The following PTPRM variants were observed in gnomAD, a reference collection of about 807,000 sequenced individuals.
PTPRM encodes the protein protein tyrosine phosphatase receptor type M.
Under a neutral mutation model 186.7 loss-of-function variants are expected in PTPRM, and 47 were observed. The ratio of observed to expected loss-of-function variants is 0.25; its 90% CI spans 0.20 to 0.32. The LOEUF is 0.32. Ranked by LOEUF, PTPRM falls within the 10% of genes least tolerant of loss-of-function variation. The pLI is 1.00. For synonymous variants in PTPRM, 668 were observed against 674.9 expected, an observed-to-expected ratio of 0.99 and a Z score of 0.16; for missense variants, 1,494 against 1,865.0, an observed-to-expected ratio of 0.80 and a Z score of 3.66.
chr18:8,049,836 C>T (rs1451416392), intron 7 of PTPRM, among the ~76,000 whole-genome samples: 21 of 151,928 alleles, frequency 1.4e-4, no homozygotes, highest in East Asian at 3.9e-4. Context: ...CTCAGCCTCC[C>T]GAGTAGCTGA....
At chr18:7,847,909 G>A (rs1428787050) in intron 2 of PTPRM, among the ~76,000 whole-genome samples, 4 of 152,180 alleles carry the variant, frequency 2.6e-5, no homozygotes, top group African/African-American at 9.7e-5. Context: ...TGGACACTAA[G>A]CACACAGCCG....
intron 1 of PTPRM, among the ~76,000 whole-genome samples, chr18:7,648,673 A>G (rs964021951): frequency 5.3e-5 from 8 of 152,222 alleles, no homozygotes; most frequent in Admixed American, 1.3e-4. Context: ...ACTCTCTTCA[A>G]TTCTGTGAAG....
chr18:7,874,691 C>T (rs1045844325), intron 2 of PTPRM, among the ~76,000 whole-genome samples: 14 of 152,120 alleles, frequency 9.2e-5, no homozygotes, highest in Admixed American at 6.5e-4. Context: ...ATAGTGTACT[C>T]AGTAAAAATA....
chr18:8,121,845 T>C (rs374267216), intron 13 of PTPRM: 105 of 152,304 alleles, frequency 6.9e-4, no homozygotes, highest in African/African-American at 2.4e-3. Flanking sequence ...AGCCTAAAGT[T>C]TGGATCACCA....
chr18:7,834,009 G>A (rs918482234), intron 2 of PTPRM, among the ~76,000 whole-genome samples: 2 of 152,082 alleles, frequency 1.3e-5, no homozygotes, highest in Non-Finnish European at 2.9e-5. Context: ...CAATAACAGT[G>A]GGGAAAGAGG....
intron 7 of PTPRM, among the ~76,000 whole-genome samples, chr18:8,019,450 C>T (rs2085074026): frequency 6.6e-6 from 1 of 152,014 alleles, no homozygotes; most frequent in African/African-American, 2.4e-5. Flanking sequence ...CGTGATAGAC[C>T]TTAGGATTTG....
intron 14 of PTPRM, chr18:8,154,743 G>A (rs2093084241): frequency 6.6e-6 from 1 of 152,050 alleles, no homozygotes. Flanking sequence ...TAACATATAG[G>A]CAATAATGGC....
chr18:8,233,561 T>C (rs6506561), intron 14 of PTPRM, among the ~76,000 whole-genome samples: 62,723 of 152,054 alleles, frequency 0.41, 13,181 homozygotes, highest in Middle Eastern at 0.56. Flanking sequence ...GGATACCAGT[T>C]CATTACCAGG....
chr18:8,370,756 T>A (rs1039529890), intron 23 of PTPRM, 134 bp from the exon 24 acceptor site: 3 of 543,034 alleles, frequency 5.5e-6, no homozygotes, highest in Non-Finnish European at 9.8e-6. Context: ...CTACAAAAAA[T>A]AGACCTTCCT....
At chr18:8,384,354 A>C (rs1407972266) in intron 29 of PTPRM, among the ~76,000 whole-genome samples, 1 of 152,084 alleles carries the variant, frequency 6.6e-6, no homozygotes, top group African/African-American at 2.4e-5. Flanking sequence ...GCTACTTGAG[A>C]GGTTTAGGTG....
intron 1 of PTPRM, among the ~76,000 whole-genome samples, chr18:7,602,873 A>G (rs1002907049): frequency 1.4e-5 from 2 of 147,642 alleles, no homozygotes. Context: ...AATATGAGTT[A>G]TTATGAAAAT....
chr18:8,261,502 C>T lies in PTPRM; in HGVS notation c.2754+8088C>T, dbSNP rs1275793777. Among the ~76,000 whole-genome samples the T allele has an allele frequency of 2.0e-5, 3 of 151,968 alleles. No homozygotes were observed. In the East Asian group the frequency reaches 5.8e-4, roughly 29 times the overall value. Reference sequence around the variant, plus strand: ...CTTTCTTAGTGGGTGAAAGTTTCTGCGTATTTTTAAATAATGCAATAGAGA... The same window carrying T: ...CTTTCTTAGTGGGTGAAAGTTTCTGTGTATTTTTAAATAATGCAATAGAGA... On this transcript the variant is annotated intron_variant, in intron 19 of 32. Coordinates refer to ENST00000580170, the MANE Select transcript of PTPRM (RefSeq NM_001105244.2).
At chr18:8,052,769 A>G (rs2087602343) in intron 7 of PTPRM, among the ~76,000 whole-genome samples, 2 of 152,220 alleles carry the variant, frequency 1.3e-5, no homozygotes, top group South Asian at 4.1e-4. Flanking sequence ...CTTGTGTTCC[A>G]TAGTGGCTGT....
At chr18:8,249,550 A>G (rs2094508213) in intron 17 of PTPRM, among the ~76,000 whole-genome samples, 1 of 152,186 alleles carries the variant, frequency 6.6e-6, no homozygotes, top group Non-Finnish European at 1.5e-5. Flanking sequence ...TGATAGGCGA[A>G]GATTTGCGAT....
chr18:7,639,606 G>A (rs981514222), intron 1 of PTPRM, among the ~76,000 whole-genome samples: 1 of 147,348 alleles, frequency 6.8e-6, no homozygotes, highest in African/African-American at 2.5e-5. Context: ...GGGCTGGTCT[G>A]GTCTCGAACT....
At chr18:8,150,844 A>C (rs1046324927) in intron 14 of PTPRM, among the ~76,000 whole-genome samples, 1 of 151,712 alleles carries the variant, frequency 6.6e-6, no homozygotes, top group Non-Finnish European at 1.5e-5. Context: ...TGGATGTGCT[A>C]TTCCTTTCTG....
intron 14 of PTPRM, among the ~76,000 whole-genome samples, chr18:8,243,574 G>T (rs1799442921): frequency 6.6e-6 from 1 of 152,114 alleles, no homozygotes; most frequent in Middle Eastern, 3.2e-3. Context: ...ACCTAGTTCT[G>T]TTCTTTAGTT....
intron 7 of PTPRM, among the ~76,000 whole-genome samples, chr18:7,979,008 A>C (rs1264978998): frequency 6.6e-6 from 1 of 152,202 alleles, no homozygotes; most frequent in Non-Finnish European, 1.5e-5. Flanking sequence ...GTGGCAAAGA[A>C]AATTGAATGT....
At chr18:7,626,971 G>A (rs1002024309) in intron 1 of PTPRM, among the ~76,000 whole-genome samples, 4 of 152,050 alleles carry the variant, frequency 2.6e-5, no homozygotes, top group African/African-American at 9.7e-5. Context: ...GCCTGCACCT[G>A]GGAGTGCATC....
Sources: allele counts gnomAD v4.1 joint callset (sites outside exome capture counted in the v4.1 genomes callset), GRCh38; gene constraint gnomAD v4.1.1; transcripts MANE v1.5; gene names NCBI Gene and HGNC (gene_info 2026-07-23, HGNC 2026-07-21).